The following CCDC50 variants were observed in gnomAD, a reference collection of about 807,000 sequenced individuals.
CCDC50 encodes coiled-coil domain-containing protein 50.
CCDC50 carries 54 observed loss-of-function variants against 70.2 expected under a neutral mutation model. That is an observed-to-expected ratio of 0.77 (90% CI 0.62 to 0.96). CCDC50 has a LOEUF of 0.96. Ranked by LOEUF, CCDC50 falls within the 50% of genes least tolerant of loss-of-function variation. The pLI is 0.00. For missense variants in CCDC50, 558 were observed against 578.7 expected (o/e 0.96, Z 0.37); for synonymous variants, 216 against 198.8 (o/e 1.09, Z -0.73).
rs1280504259 is a variant in CCDC50, at chr3:191,392,690, G to A, written c.*930G>A. 2.6e-5 allele frequency: 4 copies of A among 152,260 alleles called. No homozygotes were observed. Among genetic ancestry groups the A allele is most frequent in the African/African-American group, 9.6e-5 (4 of 41,538 alleles). The allele number at this position is 152,260 out of a possible 1,614,324, so 9.4% of individuals were successfully genotyped here. A position where few individuals can be genotyped will look rare whatever the true frequency, so the allele number is the denominator to read the frequency against. On this transcript the variant is annotated 3_prime_UTR_variant, in exon 12 of 12. Coordinates refer to ENST00000392455, the MANE Select transcript of CCDC50 (RefSeq NM_178335.3). Reference sequence around the variant, plus strand: ...AGTAATTAAATTAATTCAACATGAAGTTGAATTTGATGAAGTGGTCATCTA... The same window carrying A: ...AGTAATTAAATTAATTCAACATGAAATTGAATTTGATGAAGTGGTCATCTA...
At chr3:191,362,855 G>C (rs1223033305) in intron 4 of CCDC50, among the ~76,000 whole-genome samples, 1 of 152,200 alleles carries the variant, frequency 6.6e-6, no homozygotes, top group Non-Finnish European at 1.5e-5. Flanking sequence ...AATCAGAGCT[G>C]CAAGTAAAAA....
intron 5 of CCDC50, among the ~76,000 whole-genome samples, chr3:191,372,508 A>G (rs1712945861): frequency 6.6e-6 from 1 of 152,070 alleles, no homozygotes; most frequent in East Asian, 1.9e-4. Flanking sequence ...TCCTTTTCCA[A>G]CACACCTGGG....
chr3:191,394,492 TC>T lies in CCDC50; in HGVS notation c.*2734del, dbSNP rs1383399664. ...AGCATTTTGTTGTTGTTGTTGTTGT[TC>T]CTGCTGCTAGAACACATGCAGTTTA... is the stretch of plus-strand genomic sequence containing the variant. On this transcript the variant is annotated 3_prime_UTR_variant, in exon 12 of 12. Transcript: ENST00000392455. The T allele has an allele frequency of 6.6e-6, 1 of 152,200 alleles. No individual in the cohort carries two copies. Among genetic ancestry groups the T allele is most frequent in the African/African-American group, 2.4e-5 (1 of 41,460 alleles). 9.4% of individuals were successfully genotyped at this position (152,200 alleles called of 1,614,324 possible).
chr3:191,341,579 G>A (rs1282673608), intron 1 of CCDC50, among the ~76,000 whole-genome samples: 1 of 152,210 alleles, frequency 6.6e-6, no homozygotes, highest in South Asian at 2.1e-4. Context: ...CCTCACTGGA[G>A]TCTCTCAGTG....
chr3:191,363,722 A>G (rs1277254790), intron 4 of CCDC50, among the ~76,000 whole-genome samples: 2 of 152,190 alleles, frequency 1.3e-5, no homozygotes, highest in Non-Finnish European at 2.9e-5. Flanking sequence ...GTAGAGTGGA[A>G]AAGTTAAATG....
chr3:191,360,380 G>A (rs1196135397), intron 3 of CCDC50, among the ~76,000 whole-genome samples: 1 of 152,138 alleles, frequency 6.6e-6, no homozygotes, highest in Non-Finnish European at 1.5e-5. Flanking sequence ...CTTCTCTACG[G>A]TGCTTCTACT....
intron 5 of CCDC50, 87 bp from the exon 6 acceptor site, chr3:191,374,975 C>T (rs1713043030): frequency 4.4e-6 from 6 of 1,354,198 alleles, no homozygotes; most frequent in East Asian, 2.3e-5. Flanking sequence ...TAAACTGGAG[C>T]CCAGACTCCC....
In CCDC50 at chr3:191,397,106, A is replaced by G. The variant is rs1713885776; in HGVS notation, c.*5346A>G. On this transcript the variant is annotated 3_prime_UTR_variant, in exon 12 of 12. Coordinates refer to ENST00000392455, the MANE Select transcript of CCDC50 (RefSeq NM_178335.3). ...TTGCTGAGGTTCATATAAAGAATAG[A>G]AAAATTGAAAGATGGGTTTGGGCGA... 1 of 152,204 alleles carries G rather than the reference A, an allele frequency of 6.6e-6. No individual in the cohort carries two copies. Among genetic ancestry groups the G allele is most frequent in the South Asian group, 2.1e-4 (1 of 4,838 alleles). 9.4% of individuals were successfully genotyped at this position (152,204 alleles called of 1,614,324 possible). A position where few individuals can be genotyped will look rare whatever the true frequency, so the allele number is the denominator to read the frequency against.
chr3:191,358,353 A>AT (rs1712365586), intron 3 of CCDC50, among the ~76,000 whole-genome samples: 1 of 152,248 alleles, frequency 6.6e-6, no homozygotes. Context: ...GAATTTTAAC[A>AT]TTTTTTAGCT....
At chr3:191,381,053 T>C in intron 9 of CCDC50, 121 bp downstream of exon 9, 2 of 777,700 alleles carry the variant, frequency 2.6e-6, no homozygotes, top group Non-Finnish European at 2.1e-6. Context: ...ATTATCTGTA[T>C]TGCATATGTG....
intron 1 of CCDC50, among the ~76,000 whole-genome samples, chr3:191,332,172 A>G (rs1718011446): frequency 6.6e-6 from 1 of 152,200 alleles, no homozygotes; most frequent in Non-Finnish European, 1.5e-5. Flanking sequence ...GGTCGTGGGT[A>G]GCAGCTGACA....
chr3:191,359,922 A>T (rs1712424253), intron 3 of CCDC50, among the ~76,000 whole-genome samples: 1 of 152,174 alleles, frequency 6.6e-6, no homozygotes, highest in South Asian at 2.1e-4. Flanking sequence ...CTCAAATATA[A>T]ATCAGGAGTA....
At chr3:191,385,808 A>G (rs1713473910) in intron 10 of CCDC50, among the ~76,000 whole-genome samples, 2 of 152,064 alleles carry the variant, frequency 1.3e-5, no homozygotes, top group African/African-American at 2.4e-5. Flanking sequence ...GTATATGGTG[A>G]GAGGTATGGG....
intron 2 of CCDC50, among the ~76,000 whole-genome samples, chr3:191,357,696 A>G (rs1712337515): frequency 6.6e-6 from 1 of 152,248 alleles, no homozygotes; most frequent in Non-Finnish European, 1.5e-5. Flanking sequence ...TAGAGTGACA[A>G]CATGTAGTAG....
chr3:191,342,660 A>G (rs980512017), intron 1 of CCDC50, among the ~76,000 whole-genome samples: 6 of 152,226 alleles, frequency 3.9e-5, no homozygotes, highest in Admixed American at 3.9e-4. Flanking sequence ...GGCTAAGGCA[A>G]ACAGAGTACT....
At position 191,393,997 on chromosome 3, in the gene CCDC50, T is replaced by A. The variant is rs1398402972; in HGVS notation, c.*2237T>A. 1 of 152,134 alleles carries A rather than the reference T, an allele frequency of 6.6e-6. No homozygotes were observed. Among genetic ancestry groups the A allele is most frequent in the Non-Finnish European group, 1.5e-5 (1 of 67,988 alleles). 9.4% of individuals were successfully genotyped at this position (152,134 alleles called of 1,614,324 possible). A position where few individuals can be genotyped will look rare whatever the true frequency, so the allele number is the denominator to read the frequency against. On this transcript the variant is annotated 3_prime_UTR_variant, in exon 12 of 12. Coordinates refer to ENST00000392455, the MANE Select transcript of CCDC50 (RefSeq NM_178335.3). ...TACTTTAAAAATTCTGCATTTCTCT[T>A]GCCTCTCATGTACTTCATCCAGTTA...
intron 3 of CCDC50, among the ~76,000 whole-genome samples, chr3:191,360,654 G>T (rs1031067711): frequency 1.3e-4 from 20 of 152,204 alleles, no homozygotes; most frequent in African/African-American, 3.9e-4. Context: ...TATTAGACCT[G>T]TAATGTGAAG....
rs560889433 is a variant in CCDC50, at chr3:191,356,716, G to A, written c.50-372G>A. Among the ~76,000 whole-genome samples, 5 of 152,292 alleles carry A rather than the reference G, an allele frequency of 3.3e-5. No individual in the cohort carries two copies. The East Asian group carries it at 9.7e-4, about 29-fold the overall frequency. ...TATGCAGTAACTCAGTTCTCTCTCA[G>A]TAGCAATATGCAAAGCATGACTGAT... is the stretch of plus-strand genomic sequence containing the variant. On this transcript the variant is annotated intron_variant, in intron 1 of 11. Transcript: ENST00000392455.
At chr3:191,384,946 C>T (rs892402416) in intron 10 of CCDC50, among the ~76,000 whole-genome samples, 1 of 152,194 alleles carries the variant, frequency 6.6e-6, no homozygotes, top group Non-Finnish European at 1.5e-5. Flanking sequence ...TGTTAATTCA[C>T]ATAGGATAAT....
Sources: gnomAD v4.1 joint callset for allele counts (sites outside exome capture counted in the v4.1 genomes callset) on GRCh38, gnomAD v4.1.1 for gene constraint, MANE v1.5 for transcripts, NCBI Gene and HGNC (gene_info 2026-07-23, HGNC 2026-07-21) for gene names.